Variants in BMPER observed in about 807,000 individuals in gnomAD.
BMPER encodes BMP binding endothelial regulator, also known as BMP-binding endothelial regulator protein.
BMPER carries 45 observed loss-of-function variants against 87.3 expected under a neutral mutation model. The ratio of observed to expected loss-of-function variants is 0.52; its 90% CI spans 0.41 to 0.66. The LOEUF (loss-of-function observed/expected upper bound fraction) is 0.66, where lower values mean the gene tolerates loss of function less well. Ranked by LOEUF, BMPER falls within the 30% of genes least tolerant of loss-of-function variation. BMPER has a pLI of 0.00. For missense variants in BMPER, 784 were observed against 867.5 expected (o/e 0.90, Z 1.21); for synonymous variants, 326 against 316.2 (o/e 1.03, Z -0.33).
At chr7:34,041,497 A>G (rs1787831649) in intron 6 of BMPER, among the ~76,000 whole-genome samples, 1 of 152,178 alleles carries the variant, frequency 6.6e-6, no homozygotes, top group Admixed American at 6.5e-5. Flanking sequence ...TCTTTACTCC[A>G]GGAAGTTAAG....
intron 13 of BMPER, among the ~76,000 whole-genome samples, chr7:34,136,809 G>A (rs765185801): frequency 7.2e-5 from 11 of 152,240 alleles, no homozygotes; most frequent in East Asian, 1.9e-4. Flanking sequence ...CAGCCAGAAC[G>A]CTGGATATCT....
At chr7:34,136,805 G>C (rs1197766634) in intron 13 of BMPER, among the ~76,000 whole-genome samples, 1 of 152,260 alleles carries the variant, frequency 6.6e-6, no homozygotes, top group East Asian at 1.9e-4. Flanking sequence ...AAAACAGCCA[G>C]AACGCTGGAT....
At chr7:34,046,463 G>C in intron 7 of BMPER, 58 bp downstream of exon 7, 1 of 1,544,190 alleles carries the variant, frequency 6.5e-7, no homozygotes. Context: ...GTTTCTGCTG[G>C]GAGTGTTTAT....
At chr7:33,940,440 A>G (rs1021152777) in intron 3 of BMPER, among the ~76,000 whole-genome samples, 14 of 152,214 alleles carry the variant, frequency 9.2e-5, no homozygotes, top group African/African-American at 3.4e-4. Flanking sequence ...TAGTAAAGGA[A>G]TAAGGACTGG....
At chr7:33,991,402 G>A (rs367674844) in intron 6 of BMPER, among the ~76,000 whole-genome samples, 5 of 152,054 alleles carry the variant, frequency 3.3e-5, no homozygotes, top group African/African-American at 7.2e-5. Context: ...GTTTATTTGC[G>A]TAGAGGTGTT....
At chr7:34,139,104 G>A (rs755727041) in intron 13 of BMPER, among the ~76,000 whole-genome samples, 1 of 152,150 alleles carries the variant, frequency 6.6e-6, no homozygotes, top group Non-Finnish European at 1.5e-5. Flanking sequence ...CAATTGTTTT[G>A]TCCCTCCCTA....
At position 34,121,250 on chromosome 7, in the gene BMPER, T is replaced by C. The variant is rs762623305; in HGVS notation, c.1746-21980T>C. On this transcript the variant is annotated intron_variant, in intron 13 of 14. Transcript: ENST00000649409. The stretch of plus-strand genomic sequence containing the variant: ...TAGCAAAATGTTAACATTTGTTAAT[T>C]CTGAGTGCTGGCTACATAGGTATTT... 9.0e-4 allele frequency among the ~76,000 whole-genome samples: 137 copies of C among 152,316 alleles called. 1 individual carries two copies. The highest frequency in any genetic ancestry group is 6.8e-3 in the Middle Eastern group (2 of 294).
At chr7:34,105,613 G>A (rs1789797942) in intron 13 of BMPER, among the ~76,000 whole-genome samples, 2 of 152,300 alleles carry the variant, frequency 1.3e-5, no homozygotes, top group Admixed American at 1.3e-4. Flanking sequence ...GGATTCCTTA[G>A]TGAGGATGAA....
chr7:34,021,550 A>G (rs1371978234), intron 6 of BMPER, among the ~76,000 whole-genome samples: 3 of 152,026 alleles, frequency 2.0e-5, no homozygotes, highest in African/African-American at 7.2e-5. Context: ...TCACACAACA[A>G]TTAAATGACC....
In BMPER at chr7:34,028,601, G is replaced by GTTTTTTTTTTTTTTTTTTTT; in HGVS notation, c.577-17692_577-17673dup. ...ACATACAGTCCAAATCATTTTTTCT[G>GTTTTTTTTTTTTTTTTTTTT]TTTTTTTTTTTTTTTTTTTTTTTTT... On this transcript the variant is annotated intron_variant, in intron 6 of 14. Coordinates refer to ENST00000649409, the MANE Select transcript of BMPER (RefSeq NM_001365308.1). Among the ~76,000 whole-genome samples, 40 of 36,062 alleles carry GTTTTTTTTTTTTTTTTTTTT rather than the reference G, an allele frequency of 1.1e-3. 2 individuals carry two copies. The highest frequency in any genetic ancestry group is 1.2e-3 in the East Asian group (1 of 820). 23.7% of individuals were successfully genotyped at this position (36,062 alleles called of 152,430 possible). A position where few individuals can be genotyped will look rare whatever the true frequency, so the allele number is the denominator to read the frequency against.
intron 6 of BMPER, among the ~76,000 whole-genome samples, chr7:34,017,682 C>T (rs1478460287): frequency 6.6e-6 from 1 of 151,858 alleles, no homozygotes; most frequent in African/African-American, 2.4e-5. Context: ...TGCTTTTTAA[C>T]ACACACATTA....
At chr7:34,146,792 C>T (rs1223967778) in intron 14 of BMPER, among the ~76,000 whole-genome samples, 1 of 152,036 alleles carries the variant, frequency 6.6e-6, no homozygotes, top group Non-Finnish European at 1.5e-5. Context: ...CCCAAGAGCA[C>T]TGTGGAAAAA....
Position 34,131,437 on chromosome 7 carries a change from G to A in BMPER, c.1746-11793G>A, listed in dbSNP as rs181762752. On this transcript the variant is annotated intron_variant, in intron 13 of 14. Transcript: ENST00000649409. Reference sequence around the variant, plus strand: ...ATCTGAAAAAGTTCACCACTGTACCGCATCCTCCAGGGGCAGCCGCCTCTG... The same window carrying A: ...ATCTGAAAAAGTTCACCACTGTACCACATCCTCCAGGGGCAGCCGCCTCTG... 8.1e-4 allele frequency among the ~76,000 whole-genome samples: 124 copies of A among 152,296 alleles called. No homozygotes were observed. The East Asian group carries it at 0.013, about 16-fold the overall frequency.
chr7:34,129,674 A>AAGAAAGAAAGAAAGAG (rs1210913587), intron 13 of BMPER, among the ~76,000 whole-genome samples: 1 of 151,778 alleles, frequency 6.6e-6, no homozygotes. Context: ...GAAAGAAAGA[A>AAGAAAGAAAGAAAGAG]AGAAAGAAAA....
intron 10 of BMPER, among the ~76,000 whole-genome samples, chr7:34,059,641 G>A (rs553123060): frequency 1.9e-4 from 29 of 150,916 alleles, no homozygotes; most frequent in Non-Finnish European, 4.0e-4. Flanking sequence ...TTCCCTTCTC[G>A]GGGGCCAGCA....
intron 6 of BMPER, among the ~76,000 whole-genome samples, chr7:34,045,145 A>G (rs919067089): frequency 6.6e-6 from 1 of 152,182 alleles, no homozygotes; most frequent in Admixed American, 6.5e-5. Flanking sequence ...AATCCCAGAG[A>G]AGCGAATTCA....
chr7:33,905,581 C>A lies in BMPER; in HGVS notation c.-33C>A, dbSNP rs534151828. On this transcript the variant is annotated 5_prime_UTR_variant, in exon 1 of 15. Transcript: ENST00000649409. ...GCTGAGCAGAGGCGGCGGCGCGGGA[C>A]CTGCAGTCGCCAGGGATTCCCTCCA... The A allele has an allele frequency of 2.1e-5, 34 of 1,607,998 alleles. No individual in the cohort carries two copies. The East Asian group carries it at 6.0e-4, about 29-fold the overall frequency.
intron 6 of BMPER, among the ~76,000 whole-genome samples, chr7:33,997,352 G>C (rs1184560786): frequency 6.6e-6 from 1 of 152,174 alleles, no homozygotes; most frequent in Admixed American, 6.5e-5. Flanking sequence ...TGTAATCCAA[G>C]TTGTAATCCC....
At chr7:34,034,749 A>G (rs965407976) in intron 6 of BMPER, among the ~76,000 whole-genome samples, 3 of 152,226 alleles carry the variant, frequency 2.0e-5, no homozygotes, top group African/African-American at 7.2e-5. Flanking sequence ...CTAGGAGAAT[A>G]CAGGCATCTG....
Sources: allele counts gnomAD v4.1 joint callset (sites outside exome capture counted in the v4.1 genomes callset), GRCh38; gene constraint gnomAD v4.1.1; transcripts MANE v1.5; gene names NCBI Gene and HGNC (gene_info 2026-07-23, HGNC 2026-07-21).